The following IMMP2L variants were observed in gnomAD, a reference collection of about 807,000 sequenced individuals.
IMMP2L encodes mitochondrial inner membrane protease subunit 2.
A neutral mutation model predicts 19.3 loss-of-function variants in IMMP2L; 18 were observed. The ratio of observed to expected loss-of-function variants is 0.93; its 90% confidence interval spans 0.64 to 1.38. The LOEUF (loss-of-function observed/expected upper bound fraction) is 1.38. IMMP2L is among the 40% of genes most tolerant of loss of function. The probability of loss-of-function intolerance (pLI) is 0.00; values close to 1 mark genes in which losing one functional copy is unlikely to be tolerated. For synonymous variants in IMMP2L, 76 were observed against 73.0 expected (o/e 1.04, Z -0.21); for missense variants, 233 against 218.2 (o/e 1.07, Z -0.43).
At chr7:111,016,487 T>G (rs1825571575) in intron 3 of IMMP2L, among the ~76,000 whole-genome samples, 1 of 128,238 alleles carries the variant, frequency 7.8e-6, no homozygotes, top group African/African-American at 3.0e-5. Context: ...ATACTATATA[T>G]TTTATAATAT....
chr7:111,380,187 A>G (rs1231977296), intron 3 of IMMP2L, among the ~76,000 whole-genome samples: 3 of 151,978 alleles, frequency 2.0e-5, no homozygotes, highest in Admixed American at 1.3e-4. Context: ...ATCCAATGGT[A>G]TATTTATTAG....
chr7:111,505,105 A>T lies in IMMP2L; in HGVS notation c.135+16208T>A, dbSNP rs1431288348. ...AAGGGCTAATATCCAGAATCTACAA[A>T]GAACTCAAACAAATTTACAAGAAAA... On this transcript the variant is annotated intron_variant, in intron 2 of 5. Transcript: ENST00000405709. Among the ~76,000 whole-genome samples, 1,333 of 152,080 alleles carry T rather than the reference A, an allele frequency of 8.8e-3. 17 individuals carry two copies. The highest frequency in any genetic ancestry group is 0.029 in the African/African-American group (1,217 of 41,394).
intron 5 of IMMP2L, among the ~76,000 whole-genome samples, chr7:110,705,361 G>A (rs1040554106): frequency 2.0e-5 from 3 of 152,092 alleles, no homozygotes; most frequent in African/African-American, 7.2e-5. Context: ...AACTTTAAAT[G>A]TACTGCATAG....
intron 3 of IMMP2L, among the ~76,000 whole-genome samples, chr7:111,201,487 G>C (rs1810113754): frequency 6.6e-6 from 1 of 152,028 alleles, no homozygotes; most frequent in African/African-American, 2.4e-5. Flanking sequence ...AGGCTGAGGG[G>C]GGCAGACTGC....
At chr7:110,835,545 C>G (rs1584975311) in intron 5 of IMMP2L, among the ~76,000 whole-genome samples, 1 of 152,180 alleles carries the variant, frequency 6.6e-6, no homozygotes, top group Non-Finnish European at 1.5e-5. Context: ...AGTAGCAAAG[C>G]CAGGACAATT....
At chr7:111,149,029 C>T (rs1323735072) in intron 3 of IMMP2L, among the ~76,000 whole-genome samples, 1 of 152,012 alleles carries the variant, frequency 6.6e-6, no homozygotes, top group East Asian at 1.9e-4. Context: ...AGAGTCTGTG[C>T]TTTTATCCAC....
At chr7:110,804,186 CTG>C (rs1801455446) in intron 5 of IMMP2L, among the ~76,000 whole-genome samples, 1 of 152,020 alleles carries the variant, frequency 6.6e-6, no homozygotes, top group South Asian at 2.1e-4. Context: ...GTGGTAAACA[CTG>C]TGTTTCTGAT....
At chr7:111,153,652 A>T (rs1330059641) in intron 3 of IMMP2L, among the ~76,000 whole-genome samples, 1 of 152,092 alleles carries the variant, frequency 6.6e-6, no homozygotes, top group Non-Finnish European at 1.5e-5. Flanking sequence ...CAAATGAAAA[A>T]TGATTAAACT....
At chr7:111,168,641 T>C (rs932396520) in intron 3 of IMMP2L, among the ~76,000 whole-genome samples, 2 of 151,942 alleles carry the variant, frequency 1.3e-5, no homozygotes, top group Non-Finnish European at 2.9e-5. Flanking sequence ...ACTTCCCTAA[T>C]TTGAAAAACA....
At chr7:111,186,942 TA>T (rs1015735017) in intron 3 of IMMP2L, among the ~76,000 whole-genome samples, 33 of 147,366 alleles carry the variant, frequency 2.2e-4, no homozygotes, top group Admixed American at 3.4e-4. Flanking sequence ...TTGCTTTTTT[TA>T]AAAAAAAAAA....
intron 5 of IMMP2L, among the ~76,000 whole-genome samples, chr7:110,697,972 A>C (rs973300560): frequency 5.9e-5 from 9 of 152,190 alleles, no homozygotes; most frequent in Non-Finnish European, 1.0e-4. Context: ...TATTGCTAAA[A>C]TACTATGGTT....
intron 3 of IMMP2L, among the ~76,000 whole-genome samples, chr7:111,207,539 T>A (rs939352517): frequency 2.1e-5 from 3 of 140,832 alleles, no homozygotes; most frequent in Admixed American, 1.4e-4. Flanking sequence ...TTTTGGTTTT[T>A]TTTTTTTTTT....
chr7:111,471,596 G>T (rs1441440051), intron 3 of IMMP2L, among the ~76,000 whole-genome samples: 1 of 151,976 alleles, frequency 6.6e-6, no homozygotes, highest in African/African-American at 2.4e-5. Flanking sequence ...TTAATTACAT[G>T]TGGAAATATT....
chr7:111,027,280 G>A (rs1176892241), intron 3 of IMMP2L, among the ~76,000 whole-genome samples: 1 of 152,094 alleles, frequency 6.6e-6, no homozygotes, highest in Non-Finnish European at 1.5e-5. Context: ...TGAGGGTCTA[G>A]ACAGATACAA....
Position 110,973,885 on chromosome 7 carries a change from C to T in IMMP2L, c.240-10320G>A, listed in dbSNP as rs1005006234. On this transcript the variant is annotated intron_variant, in intron 3 of 5. Transcript: ENST00000405709. The stretch of plus-strand genomic sequence containing the variant: ...TGAAACCATCATTCCATTGCTCAAA[C>T]ATGACCAACAACTTTCTTTAAAGAA... Among the ~76,000 whole-genome samples, 7 of 152,190 alleles carry T rather than the reference C, an allele frequency of 4.6e-5. No individual in the cohort carries two copies. In the South Asian group the frequency reaches 8.3e-4, roughly 18 times the overall value.
intron 3 of IMMP2L, among the ~76,000 whole-genome samples, chr7:111,236,881 T>C (rs1814387109): frequency 1.3e-5 from 2 of 152,182 alleles, no homozygotes; most frequent in Non-Finnish European, 2.9e-5. Flanking sequence ...TGATATTTAA[T>C]GTCTGAAGAC....
intron 1 of IMMP2L, among the ~76,000 whole-genome samples, chr7:111,521,824 G>A (rs1846360127): frequency 6.6e-6 from 1 of 152,080 alleles, no homozygotes; most frequent in Admixed American, 6.5e-5. Flanking sequence ...AAGTTTCAGT[G>A]GAACATGTGG....
intron 5 of IMMP2L, among the ~76,000 whole-genome samples, chr7:110,873,580 ATGG>A (rs1219639587): frequency 6.6e-6 from 1 of 150,866 alleles, no homozygotes; most frequent in East Asian, 1.9e-4. Context: ...CCTGGCCAAC[ATGG>A]TGAAACCCCG....
chr7:110,970,374 A>C (rs1291916851), intron 3 of IMMP2L, among the ~76,000 whole-genome samples: 2 of 152,152 alleles, frequency 1.3e-5, no homozygotes, highest in African/African-American at 2.4e-5. Flanking sequence ...ATTTGTATGT[A>C]AATGAATATA....
Sources: allele counts gnomAD v4.1 joint callset (sites outside exome capture counted in the v4.1 genomes callset), GRCh38; gene constraint gnomAD v4.1.1; transcripts MANE v1.5; gene names NCBI Gene and HGNC (gene_info 2026-07-23, HGNC 2026-07-21).